EOGT: variants seen among roughly 807,000 people sequenced by gnomAD.
EOGT encodes the protein EGF domain-specific O-linked N-acetylglucosamine transferase.
In EOGT, 55 loss-of-function variants were observed where a neutral mutation model predicts 70.5. The observed-to-expected ratio is 0.78, with a 90% CI of 0.63 to 0.98. The LOEUF is 0.98. EOGT is among the 50% of genes least tolerant of loss of function. EOGT has a pLI of 0.00. For synonymous variants in EOGT, 246 were observed against 217.1 expected (o/e 1.13, Z -1.17); for missense variants, 703 against 641.9 (o/e 1.10, Z -1.03).
At chr3:69,003,004 G>A (rs1022024181) in intron 8 of EOGT, among the ~76,000 whole-genome samples, 6 of 152,102 alleles carry the variant, frequency 3.9e-5, no homozygotes, top group African/African-American at 9.7e-5. Flanking sequence ...TTAACATTAT[G>A]TAAGTAACCT....
intron 10 of EOGT, among the ~76,000 whole-genome samples, chr3:68,995,580 A>C (rs2091123698): frequency 6.6e-6 from 1 of 151,856 alleles, no homozygotes. Context: ...AGAGAAGGGG[A>C]GGGTTGTAGG....
At chr3:69,008,725 C>G (rs1160337724) in intron 4 of EOGT, among the ~76,000 whole-genome samples, 197 bp from the exon 5 acceptor site, 1 of 152,210 alleles carries the variant, frequency 6.6e-6, no homozygotes, top group Non-Finnish European at 1.5e-5. Flanking sequence ...CCTCCTTACT[C>G]ATCACCCCCA....
chr3:68,997,480 G>A (rs116530173), intron 10 of EOGT, among the ~76,000 whole-genome samples: 2,503 of 151,406 alleles, frequency 0.017, 38 homozygotes, highest in Non-Finnish European at 0.022. Flanking sequence ...GTGATTCTCC[G>A]ACCACAGCCT....
chr3:69,002,740 G>GTT (rs1448422351), intron 8 of EOGT, among the ~76,000 whole-genome samples: 11 of 151,380 alleles, frequency 7.3e-5, no homozygotes, highest in Non-Finnish European at 1.2e-4. Context: ...CTGCAGCCTC[G>GTT]ACCTCCTGAG....
chr3:68,978,813 C>T (rs2090549311), intron 16 of EOGT, among the ~76,000 whole-genome samples: 1 of 152,100 alleles, frequency 6.6e-6, no homozygotes, highest in South Asian at 2.1e-4. Context: ...AACCCAGGTC[C>T]ATTAGACTAT....
chr3:69,011,483 T>C (rs1575790740), intron 3 of EOGT, among the ~76,000 whole-genome samples: 1 of 150,714 alleles, frequency 6.6e-6, no homozygotes, highest in East Asian at 1.9e-4. Context: ...AAAAATCAGC[T>C]GTAGTCCCAG....
chr3:69,013,197 G>A (rs2091619068), intron 1 of EOGT, among the ~76,000 whole-genome samples: 1 of 151,988 alleles, frequency 6.6e-6, no homozygotes, highest in Admixed American at 6.5e-5. Context: ...TTGCTTCGGG[G>A]TCGGTGATCT....
At chr3:69,001,858 T>C in intron 8 of EOGT, 144 bp from the exon 9 acceptor site, 1 of 619,480 alleles carries the variant, frequency 1.6e-6, no homozygotes, top group Non-Finnish European at 2.8e-6. Context: ...CTTCTAAAAC[T>C]TACTGACTTT....
chr3:69,003,711 G>C (rs1484411587), intron 8 of EOGT, among the ~76,000 whole-genome samples: 1 of 152,290 alleles, frequency 6.6e-6, no homozygotes, highest in Middle Eastern at 3.4e-3. Context: ...AGTCAGAGTA[G>C]CATCTACCTT....
chr3:69,009,944 A>C (rs2091535020), intron 3 of EOGT, 84 bp from the exon 4 acceptor site: 2 of 657,332 alleles, frequency 3.0e-6, no homozygotes, highest in East Asian at 2.7e-5. Flanking sequence ...AAAAAAAAAA[A>C]AAAAACAAAG....
At chr3:69,007,432 C>T (rs371183973) in intron 6 of EOGT, among the ~76,000 whole-genome samples, 2 of 146,274 alleles carry the variant, frequency 1.4e-5, no homozygotes, top group African/African-American at 5.1e-5. Flanking sequence ...GTGGGTGGAT[C>T]CCTTGAGGTC....
chr3:69,007,028 G>A (rs935111451), intron 6 of EOGT, among the ~76,000 whole-genome samples: 1 of 152,208 alleles, frequency 6.6e-6, no homozygotes, highest in African/African-American at 2.4e-5. Flanking sequence ...ATATAGAGCA[G>A]TATGGTGGTG....
In EOGT at chr3:69,008,438, C is replaced by T. The variant is rs376499113; in HGVS notation, c.301G>A (p.Asp101Asn). The T allele has an allele frequency of 4.0e-5, 64 of 1,612,890 alleles. No individual in the cohort carries two copies. The highest frequency in any genetic ancestry group is 5.0e-5 in the Non-Finnish European group (59 of 1,179,022). Residue 101 changes from aspartate to asparagine, a missense_variant, in exon 5 of 18, where the codon GAC becomes AAC. Asp to Asn is a conservative substitution (Grantham distance 23). Transcript: ENST00000383701. ...RFGYPVCSYV[D>N]MGWTDTLESA... Reference sequence around the variant, plus strand: ...CATATGGAAACTTACCATCCCATGTCGACATAGCTGCAAACTGGGTAACCA... The same window carrying T: ...CATATGGAAACTTACCATCCCATGTTGACATAGCTGCAAACTGGGTAACCA...
chr3:68,990,976 A>T (rs1041760439), intron 10 of EOGT, among the ~76,000 whole-genome samples: 9 of 152,090 alleles, frequency 5.9e-5, no homozygotes, highest in Admixed American at 1.3e-4. Flanking sequence ...AACACCATCT[A>T]AAATGAAATG....
At chr3:68,985,078 G>A (rs1009644223) in intron 14 of EOGT, among the ~76,000 whole-genome samples, 1 of 152,124 alleles carries the variant, frequency 6.6e-6, no homozygotes, top group Admixed American at 6.5e-5. Flanking sequence ...TTTGCTGGGA[G>A]GGTTGGGGGG....
chr3:69,008,068 A>G (rs2091484391), intron 5 of EOGT, among the ~76,000 whole-genome samples: 1 of 152,234 alleles, frequency 6.6e-6, no homozygotes, highest in Admixed American at 6.5e-5. Context: ...ACTGAAGCCA[A>G]TGATGCATTC....
chr3:68,979,846 GT>G, intron 15 of EOGT, 59 bp from the exon 16 acceptor site: 1 of 1,533,854 alleles, frequency 6.5e-7, no homozygotes, highest in Non-Finnish European at 9.0e-7. Context: ...ATTAGGTTGA[GT>G]TAGTTCATGA....
At chr3:68,986,619 A>G (rs1413744048) in intron 14 of EOGT, among the ~76,000 whole-genome samples, 1 of 152,180 alleles carries the variant, frequency 6.6e-6, no homozygotes, top group Non-Finnish European at 1.5e-5. Context: ...TTCTTCTCTG[A>G]TTAGGTCTTT....
At chr3:68,997,894 G>A (rs112102258) in intron 10 of EOGT, 117 bp downstream of exon 10, 48 of 648,744 alleles carry the variant, frequency 7.4e-5, no homozygotes, top group African/African-American at 6.8e-4. Flanking sequence ...TCCGCATTAT[G>A]TGCGGCTGTA....
Sources: allele counts gnomAD v4.1 joint callset (sites outside exome capture counted in the v4.1 genomes callset), GRCh38; gene constraint gnomAD v4.1.1; transcripts MANE v1.5; gene names NCBI Gene and HGNC (gene_info 2026-07-23, HGNC 2026-07-21).